RIN3: variants seen among roughly 807,000 people sequenced by gnomAD.
RIN3 encodes the protein Ras and Rab interactor 3, also known as RAB5 interacting protein 3.
In RIN3, 54 loss-of-function variants were observed where a neutral mutation model predicts 76.3. The ratio of observed to expected loss-of-function variants is 0.71; its 90% CI spans 0.57 to 0.89. The LOEUF is 0.89. RIN3 is among the 40% of genes least tolerant of loss of function. The probability of loss-of-function intolerance (pLI) is 0.00; values close to 1 mark genes in which losing one functional copy is unlikely to be tolerated. For missense variants in RIN3, 1,256 were observed against 1,322.1 expected (o/e 0.95, Z 0.78); for synonymous variants, 576 against 564.0 (o/e 1.02, Z -0.30).
At chr14:92,576,037 TG>T in intron 2 of RIN3, among the ~76,000 whole-genome samples, 1 of 151,624 alleles carries the variant, frequency 6.6e-6, no homozygotes, top group East Asian at 1.9e-4. Flanking sequence ...GGGGCTGGAG[TG>T]GGAGAGGCTT....
At chr14:92,556,006 C>T in intron 2 of RIN3, 51 bp downstream of exon 2, 1 of 1,507,508 alleles carries the variant, frequency 6.6e-7, no homozygotes. Flanking sequence ...GTGAGGAACT[C>T]AGGCGTGCTC....
rs554816540 is a variant in RIN3 at position 92,582,393 on chromosome 14, G to A, written c.367+4916G>A. Among the ~76,000 whole-genome samples, 5 of 151,304 alleles carry A rather than the reference G, an allele frequency of 3.3e-5. No homozygotes were observed. The South Asian group carries it at 1.0e-3, about 32-fold the overall frequency. On this transcript the variant is annotated intron_variant, in intron 3 of 9. Coordinates refer to ENST00000216487, the MANE Select transcript of RIN3 (RefSeq NM_024832.5). The stretch of plus-strand genomic sequence containing the variant: ...ATGTGCATTCACTATAAATACACAG[G>A]TGTCATCCGTAAGTTTGTGTGTGTG...
At chr14:92,554,079 G>C (rs977918812) in intron 1 of RIN3, among the ~76,000 whole-genome samples, 1 of 152,204 alleles carries the variant, frequency 6.6e-6, no homozygotes, top group Non-Finnish European at 1.5e-5. Context: ...AAGATGGAAG[G>C]CACCATCCAC....
At chr14:92,630,564 G>T (rs559684819) in intron 4 of RIN3, among the ~76,000 whole-genome samples, 1 of 152,328 alleles carries the variant, frequency 6.6e-6, no homozygotes, top group Admixed American at 6.5e-5. Flanking sequence ...GGCCATAGGG[G>T]TTTGCTGGAG....
rs201564236 is a variant in RIN3 at position 92,599,250 on chromosome 14, T to C, written c.368-16157T>C. Among the ~76,000 whole-genome samples the C allele has an allele frequency of 6.2e-3, 942 of 151,668 alleles. 7 individuals carry two copies. The highest frequency in any genetic ancestry group is 0.011 in the Non-Finnish European group (753 of 67,856). ...AACAGAAGCCCCCCGCCCTTGGGGGTGTGAAGACTGGAGTTCAGGGGAGGT... is the reference window on the plus strand; with the variant it reads ...AACAGAAGCCCCCCGCCCTTGGGGGCGTGAAGACTGGAGTTCAGGGGAGGT... On this transcript the variant is annotated intron_variant, in intron 3 of 9. Transcript: ENST00000216487.
In RIN3 at chr14:92,652,105, C is replaced by G. The variant is rs749619362; in HGVS notation, c.1056C>G (p.Gly352=). The G allele has an allele frequency of 6.2e-7, 1 of 1,606,812 alleles. No homozygotes were observed. The highest frequency in any genetic ancestry group is 1.7e-5 in the Admixed American group (1 of 59,976). The change falls in exon 6 of 10, where the codon GGC becomes GGG. Residue 352 remains glycine, a synonymous_variant. Coordinates refer to ENST00000216487, the MANE Select transcript of RIN3 (RefSeq NM_024832.5). This position sits in a 1 kb window ranked among gnomAD's most constrained non-coding sequence, Gnocchi z 6.4. ...TCCCATGCCCCACTGCAGGCCTGGG[C>G]CCCCTCAGGGAGGAAGCGATGAAGC... ...ERLPCPTAGL[G]PLREEAMKPG...
intron 4 of RIN3, among the ~76,000 whole-genome samples, chr14:92,621,626 G>T (rs1302342649): frequency 6.6e-6 from 1 of 152,174 alleles, no homozygotes; most frequent in Admixed American, 6.5e-5. Context: ...CTAAGGACCT[G>T]GGATCAATAG....
chr14:92,527,706 G>A (rs1464751213), intron 1 of RIN3, among the ~76,000 whole-genome samples: 2 of 152,070 alleles, frequency 1.3e-5, no homozygotes, highest in Non-Finnish European at 2.9e-5. Flanking sequence ...TTTCTGCTTC[G>A]TCCCTACGTT....
rs936773228 is a variant in RIN3, at chr14:92,577,374, C to T, written c.264C>T (p.Arg88=). 6.2e-7 allele frequency: 1 copy of T among 1,613,032 alleles called. No homozygotes were observed. The highest frequency in any genetic ancestry group is 1.3e-5 in the African/African-American group (1 of 74,884). Residue 88 remains arginine (R), a synonymous_variant, in exon 3 of 10, where the codon CGC becomes CGT. Transcript: ENST00000216487. Reference sequence around the variant, plus strand: ...TTTGGTTTCAGATGTTCCTGGTTCGCCGGGACAGCAGCTCGAAGCAGCTGG... The same window carrying T: ...TTTGGTTTCAGATGTTCCTGGTTCGTCGGGACAGCAGCTCGAAGCAGCTGG... ...HRVVAGMFLV[R]RDSSSKQLVL...
rs1448431266 is a variant in RIN3, at chr14:92,651,879, C to T, written c.830C>T (p.Pro277Leu). ...DATSPTSRWA[P>L]RRPPPPPPVL... ...ACCTCACCCACCTCCAGGTGGGCCC[C>T]ACGCCGCCCACCACCCCCTCCCCCA... Residue 277 changes from proline to leucine, a missense_variant, in exon 6 of 10, where the codon CCA becomes CTA. This residue lies in a region of RIN3 where 610 missense variants were observed against 626.4 expected (regional missense o/e 0.97). Transcript: ENST00000216487. 1.2e-6 allele frequency: 2 copies of T among 1,602,470 alleles called. No individual in the cohort carries two copies. The highest frequency in any genetic ancestry group is 2.2e-5 in the East Asian group (1 of 44,574).
intron 3 of RIN3, among the ~76,000 whole-genome samples, chr14:92,604,961 C>A (rs2140092786): frequency 7.7e-6 from 1 of 130,510 alleles, no homozygotes; most frequent in East Asian, 2.3e-4. Flanking sequence ...GGGAGTCTCC[C>A]TCTGTCACGC....
chr14:92,652,467 C>A lies in RIN3; in HGVS notation c.1418C>A (p.Thr473Asn). ...KKRISRQLAS[T>N]LPAPLENAEL... ...CGGATCTCTCGACAACTGGCCTCGA[C>A]CCTCCCAGCTCCCTTAGAGAACGCT... Residue 473 changes from threonine (T) to asparagine (N), a missense_variant, in exon 6 of 10, where the codon ACC becomes AAC. By Grantham distance (65) the Thr-to-Asn change is moderately conservative. Coordinates refer to ENST00000216487, the MANE Select transcript of RIN3 (RefSeq NM_024832.5). This position sits in a 1 kb window ranked among gnomAD's most constrained non-coding sequence, Gnocchi z 6.4. 3 of 1,614,124 alleles carry A rather than the reference C, an allele frequency of 1.9e-6. No homozygotes were observed. The highest frequency in any genetic ancestry group is 2.5e-6 in the Non-Finnish European group (3 of 1,180,042).
intron 6 of RIN3, among the ~76,000 whole-genome samples, chr14:92,654,040 G>A (rs780110709): frequency 5.9e-5 from 9 of 152,074 alleles, no homozygotes; most frequent in East Asian, 1.9e-4. Context: ...ATAGCTGGGC[G>A]TGGTGGCTCA....
chr14:92,654,399 G>A (rs1887588011), intron 6 of RIN3, among the ~76,000 whole-genome samples: 1 of 152,094 alleles, frequency 6.6e-6, no homozygotes, highest in Non-Finnish European at 1.5e-5. Flanking sequence ...TAAACATTGA[G>A]CTGCTTCTGA....
chr14:92,641,029 C>T (rs370331480), intron 4 of RIN3, among the ~76,000 whole-genome samples: 16 of 152,288 alleles, frequency 1.1e-4, no homozygotes, highest in African/African-American at 3.8e-4. Flanking sequence ...GTAGGATCTC[C>T]ACCTCTCTGG....
rs1375508337 is a variant in RIN3 at position 92,652,163 on chromosome 14, C to G, written c.1114C>G (p.Pro372Ala). 3 of 1,596,726 alleles carry G rather than the reference C, an allele frequency of 1.9e-6. No individual in the cohort carries two copies. The highest frequency in any genetic ancestry group is 2.6e-6 in the Non-Finnish European group (3 of 1,170,560). ...GAASSPLQQV[P>A]APPLPAKKNL... The stretch of plus-strand genomic sequence containing the variant: ...AGCCTCCAGTCCCTTGCAGCAGGTC[C>G]CCGCCCCGCCACTGCCTGCGAAGAA... The change falls in exon 6 of 10, where the codon CCC (proline) becomes GCC (alanine). Residue 372 changes from proline to alanine, a missense_variant. Transcript: ENST00000216487. This position sits in a 1 kb window ranked among gnomAD's most constrained non-coding sequence, Gnocchi z 6.4.
Position 92,549,235 on chromosome 14 carries a change from C to A in RIN3, c.45-6516C>A, listed in dbSNP as rs567426738. Among the ~76,000 whole-genome samples, 6 of 152,290 alleles carry A rather than the reference C, an allele frequency of 3.9e-5. No homozygotes were observed. The South Asian group carries it at 1.2e-3, about 32-fold the overall frequency. ...GTCAGGTTGGTAGGTGGGGTAGTGACGGCCTTTTCCGGTTCTCCCTTTCCG... is the reference window on the plus strand; with the variant it reads ...GTCAGGTTGGTAGGTGGGGTAGTGAAGGCCTTTTCCGGTTCTCCCTTTCCG... On this transcript the variant is annotated intron_variant, in intron 1 of 9. Transcript: ENST00000216487.
chr14:92,628,340 C>G (rs1406265158), intron 4 of RIN3, among the ~76,000 whole-genome samples: 1 of 152,170 alleles, frequency 6.6e-6, no homozygotes, highest in African/African-American at 2.4e-5. Flanking sequence ...ATTGCAACTG[C>G]AAGAGAAAAT....
intron 4 of RIN3, among the ~76,000 whole-genome samples, chr14:92,633,165 G>A (rs1830786508): frequency 6.6e-6 from 1 of 152,202 alleles, no homozygotes; most frequent in Non-Finnish European, 1.5e-5. Context: ...GGGGGAGACT[G>A]TGGAGATGCC....
Sources: allele counts gnomAD v4.1 joint callset (sites outside exome capture counted in the v4.1 genomes callset), GRCh38; gene constraint gnomAD v4.1.1; regional missense constraint gnomAD v4.1.1; non-coding constraint Gnocchi (gnomAD v3.1); transcripts MANE v1.5; gene names NCBI Gene and HGNC (gene_info 2026-07-23, HGNC 2026-07-21).